PTGER3: variants seen among roughly 807,000 people sequenced by gnomAD.
PTGER3 encodes the protein prostaglandin E receptor 3.
PTGER3 carries 22 observed loss-of-function variants against 34.7 expected under a neutral mutation model. The ratio of observed to expected loss-of-function variants is 0.63; its 90% CI spans 0.45 to 0.91. The LOEUF is 0.91. PTGER3 is among the 40% of genes least tolerant of loss of function. The pLI is 0.00. For missense variants in PTGER3, 468 were observed against 519.4 expected (o/e 0.90, Z 0.96); for synonymous variants, 241 against 230.1 (o/e 1.05, Z -0.43).
chr1:70,886,269 G>A (rs1426602644), intron 4 of PTGER3: 1 of 448,232 alleles, frequency 2.2e-6, no homozygotes, highest in Non-Finnish European at 4.5e-6. Flanking sequence ...CCAAAAAGAG[G>A]GCACTCACCA....
chr1:70,900,082 T>A (rs896117487), intron 4 of PTGER3, among the ~76,000 whole-genome samples: 1 of 152,178 alleles, frequency 6.6e-6, no homozygotes, highest in African/African-American at 2.4e-5. Context: ...AAGCTACCAA[T>A]TTTCTTCCTT....
chr1:70,928,022 A>C (rs1031067005), intron 4 of PTGER3, among the ~76,000 whole-genome samples: 1 of 151,958 alleles, frequency 6.6e-6, no homozygotes, highest in African/African-American at 2.4e-5. Flanking sequence ...AGCAACGTTT[A>C]TCTACTAGGT....
chr1:70,911,525 G>A (rs1476677132), intron 4 of PTGER3, among the ~76,000 whole-genome samples: 2 of 152,052 alleles, frequency 1.3e-5, no homozygotes, highest in Admixed American at 6.6e-5. Flanking sequence ...TCTAAAAATG[G>A]CAAGTATTAA....
At chr1:70,976,716 C>T (rs772195983) in intron 2 of PTGER3, among the ~76,000 whole-genome samples, 1 of 152,120 alleles carries the variant, frequency 6.6e-6, no homozygotes, top group Non-Finnish European at 1.5e-5. Flanking sequence ...TGCCAAGCTC[C>T]TTTGCCTTTA....
At chr1:70,925,206 T>A (rs554353840) in intron 4 of PTGER3, among the ~76,000 whole-genome samples, 59 of 152,324 alleles carry the variant, frequency 3.9e-4, no homozygotes, top group African/African-American at 1.3e-3. Context: ...AGTTTCGCCA[T>A]TCTGGCCAGT....
chr1:71,019,000 A>T (rs1266075017), intron 1 of PTGER3, among the ~76,000 whole-genome samples: 3 of 152,244 alleles, frequency 2.0e-5, no homozygotes, highest in Non-Finnish European at 4.4e-5. Context: ...TCCAAATGGC[A>T]GCAGAGATGA....
intron 4 of PTGER3, among the ~76,000 whole-genome samples, chr1:70,872,792 AG>A (rs1251324978): frequency 2.0e-5 from 3 of 152,188 alleles, no homozygotes; most frequent in Admixed American, 1.3e-4. Context: ...CACACCATAG[AG>A]TTGTGCTGAA....
intron 4 of PTGER3, among the ~76,000 whole-genome samples, chr1:70,888,850 CT>C (rs1043197753): frequency 2.0e-5 from 3 of 152,016 alleles, no homozygotes; most frequent in Admixed American, 2.0e-4. Flanking sequence ...ATGCCTGTTT[CT>C]TTGGGATTCG....
At chr1:70,962,496 C>T (rs1328379485) in intron 2 of PTGER3, among the ~76,000 whole-genome samples, 1 of 152,054 alleles carries the variant, frequency 6.6e-6, no homozygotes, top group Non-Finnish European at 1.5e-5. Context: ...AAAAAAAAGA[C>T]GTTCAATTGA....
chr1:70,855,798 T>C (rs941038292), intron 4 of PTGER3, among the ~76,000 whole-genome samples: 1 of 152,202 alleles, frequency 6.6e-6, no homozygotes, highest in Non-Finnish European at 1.5e-5. Flanking sequence ...TTACCCAGTT[T>C]GAATCTATGG....
chr1:70,965,820 G>A (rs1203998466), downstream of PTGER3, among the ~76,000 whole-genome samples: 1 of 152,058 alleles, frequency 6.6e-6, no homozygotes, highest in Non-Finnish European at 1.5e-5. Flanking sequence ...ATTTTCTTCT[G>A]CTCTTCCAGG....
chr1:70,899,107 C>A (rs17131487), intron 4 of PTGER3, among the ~76,000 whole-genome samples: 1 of 152,004 alleles, frequency 6.6e-6, no homozygotes, highest in African/African-American at 2.4e-5. Flanking sequence ...TAATATATGC[C>A]AAAATGCTCC....
At chr1:70,971,802 G>T in intron 3 of PTGER3, 69 bp from the exon 4 acceptor site, 1 of 1,011,010 alleles carries the variant, frequency 9.9e-7, no homozygotes, top group South Asian at 1.8e-5. Flanking sequence ...TTTTGTGTAT[G>T]GTGTGAGGAG....
At chr1:70,897,871 A>G (rs1646753832) in intron 4 of PTGER3, among the ~76,000 whole-genome samples, 2 of 152,182 alleles carry the variant, frequency 1.3e-5, no homozygotes, top group South Asian at 2.1e-4. Context: ...TCCCTAAAAT[A>G]TCATCAGTTC....
chr1:70,971,452 T>A lies in PTGER3; in HGVS notation c.*278A>T. On this transcript the variant is annotated 3_prime_UTR_variant, in exon 4 of 4. Coordinates refer to ENST00000306666, the MANE Select transcript of PTGER3 (RefSeq NM_198719.2). ...CCTGGAACACAGGTCTTTCTTTTCATCACTTTTCCTCCAATCATCATCTGT... is the reference window on the plus strand; with the variant it reads ...CCTGGAACACAGGTCTTTCTTTTCAACACTTTTCCTCCAATCATCATCTGT... 8.8e-7 allele frequency: 1 copy of A among 1,134,364 alleles called. No individual in the cohort carries two copies. Among genetic ancestry groups the A allele is most frequent in the Non-Finnish European group, 1.1e-6 (1 of 924,148 alleles). The allele number at this position is 1,134,364 out of a possible 1,614,324, so 70.3% of individuals were successfully genotyped here. A position where few individuals can be genotyped will look rare whatever the true frequency, so the allele number is the denominator to read the frequency against.
At chr1:70,954,867 C>T (rs1651156507) in intron 2 of PTGER3, among the ~76,000 whole-genome samples, 2 of 151,934 alleles carry the variant, frequency 1.3e-5, no homozygotes, top group Admixed American at 6.6e-5. Context: ...TACAAATATA[C>T]TACTGAAAAT....
At chr1:71,005,523 C>T (rs576675084) in intron 2 of PTGER3, among the ~76,000 whole-genome samples, 2 of 152,300 alleles carry the variant, frequency 1.3e-5, no homozygotes, top group South Asian at 2.1e-4. Context: ...CTGATTATTT[C>T]CTGTTCCCCT....
At chr1:70,941,450 A>G (rs1218359003) in intron 4 of PTGER3, among the ~76,000 whole-genome samples, 4 of 152,182 alleles carry the variant, frequency 2.6e-5, no homozygotes, top group Admixed American at 2.0e-4. Context: ...TGTGATTCCA[A>G]TTACATTTTG....
rs1189430711 is a variant in PTGER3, at chr1:70,862,616, G to A, written c.*24-9757C>T. ...GGATAAGAGCTGTCTAATAAAGAAG[G>A]GAATGCTCTAGACCAGAAAACCAAA... On this transcript the variant is annotated intron_variant, in intron 4 of 4. Coordinates refer to the PTGER3 transcript ENST00000370931. Among the ~76,000 whole-genome samples, 12 of 152,248 alleles carry A rather than the reference G, an allele frequency of 7.9e-5. No individual in the cohort carries two copies. The East Asian group carries it at 1.7e-3, about 22-fold the overall frequency.
Sources: gnomAD v4.1 joint callset for allele counts (sites outside exome capture counted in the v4.1 genomes callset) on GRCh38, gnomAD v4.1.1 for gene constraint, MANE v1.5 for transcripts, NCBI Gene and HGNC (gene_info 2026-07-23, HGNC 2026-07-21) for gene names.